The following ARHGAP33 variants were observed in gnomAD, a reference collection of about 807,000 sequenced individuals.
ARHGAP33 encodes Rho GTPase activating protein 33.
ARHGAP33 carries 57 observed loss-of-function variants against 126.2 expected under a neutral mutation model. The observed-to-expected ratio is 0.45, with a 90% CI of 0.36 to 0.56. ARHGAP33 has a LOEUF of 0.56. Among genes scored for constraint, ARHGAP33 ranks in the 20% least tolerant of loss-of-function variants. ARHGAP33 has a pLI of 0.00. For synonymous variants in ARHGAP33, 711 were observed against 755.0 expected (o/e 0.94, Z 0.95); for missense variants, 1,500 against 1,748.3 (o/e 0.86, Z 2.53).
At chr19:35,783,244 G>A (rs1971899546) in intron 15 of ARHGAP33, among the ~76,000 whole-genome samples, 1 of 152,190 alleles carries the variant, frequency 6.6e-6, no homozygotes, top group African/African-American at 2.4e-5. Flanking sequence ...GAATAAGCCT[G>A]GAGGATTTGA....
intron 5 of ARHGAP33, 77 bp downstream of exon 5, chr19:35,778,678 A>G: frequency 1.3e-6 from 2 of 1,520,384 alleles, no homozygotes; most frequent in South Asian, 2.5e-5. Context: ...AGGCAGCGGG[A>G]TAGAGAAATA....
rs919108627 is a variant in ARHGAP33 at position 35,783,369 on chromosome 19, G to A, written c.1421+500G>A. On this transcript the variant is annotated intron_variant, in intron 15 of 20. Transcript: ENST00000007510. ...GTCAGAGGACGGGCGTAAGATGTAC[G>A]GAGAAAAATAAACGAGAAAGGCCAG... Among the ~76,000 whole-genome samples, 4 of 152,208 alleles carry A rather than the reference G, an allele frequency of 2.6e-5. No homozygotes were observed. In the South Asian group the frequency reaches 6.2e-4, roughly 24 times the overall value.
chr19:35,788,246 C>A lies in ARHGAP33; in HGVS notation c.3681C>A (p.Gly1227=), dbSNP rs765279456. The A allele has an allele frequency of 1.1e-5, 17 of 1,609,232 alleles. No individual in the cohort carries two copies. The highest frequency in any genetic ancestry group is 1.7e-4 in the Middle Eastern group (1 of 6,034). ...CTCATAGGGTGCCGGGTCCCTGGGG[C>A]CCTCCTGAGCCTCTCCTGCTCTACA... The part of the protein sequence containing the change: ...RTPHRVPGPW[G]PPEPLLLYRA... The change falls in exon 21 of 21, where the codon GGC becomes GGA. Residue 1227 remains glycine, a synonymous_variant. Transcript: ENST00000007510.
At position 35,786,852 on chromosome 19, in the gene ARHGAP33, C is replaced by T; in HGVS notation, c.2382C>T (p.Asp794=). The T allele has an allele frequency of 6.3e-7, 1 of 1,593,724 alleles. No individual in the cohort carries two copies. Among genetic ancestry groups the T allele is most frequent in the East Asian group, 2.3e-5 (1 of 44,206 alleles). ...GCCCCGCCTCGCCTGCTGCCCTAGACATCTCAGAGCCCCTGGCTGTATCAG... is the reference window on the plus strand; with the variant it reads ...GCCCCGCCTCGCCTGCTGCCCTAGATATCTCAGAGCCCCTGGCTGTATCAG... The part of the protein sequence containing the change: ...PTSPASPAAL[D]ISEPLAVSVP... The change falls in exon 20 of 21, where the codon GAC becomes GAT. Residue 794 remains aspartate, a synonymous_variant. Transcript: ENST00000007510. The surrounding 1 kb of genome is among the most constrained non-coding windows in gnomAD (Gnocchi z 7.0).
rs1044228114 is a variant in ARHGAP33 at position 35,778,708 on chromosome 19, C to T, written c.408+107C>T. ...GAAATATTTAAATACTGGTATGGCC[C>T]AAGTCCCAACCAATCTGAATGAATG... On this transcript the variant is annotated intron_variant, in intron 5 of 20. Transcript: ENST00000007510. 6.5e-6 allele frequency: 9 copies of T among 1,390,348 alleles called. No homozygotes were observed. In the Admixed American group the frequency reaches 1.0e-4, roughly 16 times the overall value. The allele number at this position is 1,390,348 out of a possible 1,614,324, so 86.1% of individuals were successfully genotyped here. A position where few individuals can be genotyped will look rare whatever the true frequency, so the allele number is the denominator to read the frequency against.
Position 35,788,654 on chromosome 19 carries a change from C to A in ARHGAP33, c.*225C>A, listed in dbSNP as rs1972251457. Reference sequence around the variant, plus strand: ...ACCCTCCATCCTGGGGGCCCTCGCACAAATCTGGGGTGGGAGGGGCTAGGC... The same window carrying A: ...ACCCTCCATCCTGGGGGCCCTCGCAAAAATCTGGGGTGGGAGGGGCTAGGC... On this transcript the variant is annotated 3_prime_UTR_variant, in exon 21 of 21. Transcript: ENST00000007510. 2 of 510,384 alleles carry A rather than the reference C, an allele frequency of 3.9e-6. No individual in the cohort carries two copies. The highest frequency in any genetic ancestry group is 7.1e-5 in the East Asian group (2 of 28,116). 31.6% of individuals were successfully genotyped at this position (510,384 alleles called of 1,614,324 possible). A position where few individuals can be genotyped will look rare whatever the true frequency, so the allele number is the denominator to read the frequency against.
At position 35,782,492 on chromosome 19, in the gene ARHGAP33, C is replaced by T; in HGVS notation, c.1205C>T (p.Thr402Ile). The change falls in exon 13 of 21, where the codon ACC becomes ATC. Residue 402 changes from threonine to isoleucine, a missense_variant. By Grantham distance (89) the Thr-to-Ile change is moderately conservative. This residue lies in a region of ARHGAP33 where 281 missense variants were observed against 413.7 expected (regional missense o/e 0.68). Transcript: ENST00000007510. This position sits in a 1 kb window ranked among gnomAD's most constrained non-coding sequence, Gnocchi z 4.1. Reference sequence around the variant, plus strand: ...CGAGAGCTTCCGAACCCTCTGCTCACCTACCAGCTCTATGGGAAGTTCAGT... The same window carrying T: ...CGAGAGCTTCCGAACCCTCTGCTCATCTACCAGCTCTATGGGAAGTTCAGT... ...YFRELPNPLLTYQLYGKFSEA... is the reference protein window; with the variant it reads ...YFRELPNPLLIYQLYGKFSEA... 1 of 1,613,444 alleles carries T rather than the reference C, an allele frequency of 6.2e-7. No homozygotes were observed. Among genetic ancestry groups the T allele is most frequent in the Non-Finnish European group, 8.5e-7 (1 of 1,179,414 alleles).
rs539025196 is a variant in ARHGAP33, at chr19:35,782,089, G to A, written c.1086-284G>A. Among the ~76,000 whole-genome samples the A allele has an allele frequency of 2.0e-5, 3 of 152,166 alleles. No individual in the cohort carries two copies. The highest frequency in any genetic ancestry group is 7.2e-5 in the African/African-American group (3 of 41,426). Reference sequence around the variant, plus strand: ...CAGGAGAATGGCAGCTGCATGGTAGGAGCTGCTCATGCTCTGGAGTCAGAC... The same window carrying A: ...CAGGAGAATGGCAGCTGCATGGTAGAAGCTGCTCATGCTCTGGAGTCAGAC... On this transcript the variant is annotated intron_variant, in intron 12 of 20. Coordinates refer to ENST00000007510, the MANE Select transcript of ARHGAP33 (RefSeq NM_001366178.1). This position sits in a 1 kb window ranked among gnomAD's most constrained non-coding sequence, Gnocchi z 4.1.
Position 35,786,050 on chromosome 19 carries a change from G to T in ARHGAP33, c.1943-363G>T. The T allele has an allele frequency of 8.6e-7, 1 of 1,164,724 alleles. No individual in the cohort carries two copies. Among genetic ancestry groups the T allele is most frequent in the Non-Finnish European group, 1.1e-6 (1 of 942,512 alleles). The allele number at this position is 1,164,724 out of a possible 1,614,324, so 72.1% of individuals were successfully genotyped here. A position where few individuals can be genotyped will look rare whatever the true frequency, so the allele number is the denominator to read the frequency against. On this transcript the variant is annotated intron_variant, in intron 19 of 20. Coordinates refer to ENST00000007510, the MANE Select transcript of ARHGAP33 (RefSeq NM_001366178.1). This position sits in a 1 kb window ranked among gnomAD's most constrained non-coding sequence, Gnocchi z 7.0. The stretch of plus-strand genomic sequence containing the variant: ...TGCTGCTCTCCGACCTCTGCGGGGG[G>T]CTGCTTATCCACCCCACCCAGCCGT...
At chr19:35,776,476 CAGACCCTGAGGGTG>C (rs770990852) in intron 1 of ARHGAP33, among the ~76,000 whole-genome samples, 2 of 152,160 alleles carry the variant, frequency 1.3e-5, no homozygotes, top group Non-Finnish European at 2.9e-5. Flanking sequence ...TGGAGGGGGA[CAGACCCTGAGGGTG>C]AGACCCTGAG....
At chr19:35,775,882 A>T (rs1252260651) in intron 1 of ARHGAP33, among the ~76,000 whole-genome samples, 1 of 151,364 alleles carries the variant, frequency 6.6e-6, no homozygotes. Flanking sequence ...GGATGGGGTG[A>T]CAGGGACCTA....
intron 17 of ARHGAP33, 25 bp downstream of exon 17, chr19:35,785,131 A>T: frequency 1.3e-6 from 2 of 1,589,522 alleles, no homozygotes; most frequent in Non-Finnish European, 1.7e-6. Flanking sequence ...GGGGGTGGCG[A>T]GGGGCAGGTG....
chr19:35,782,932 C>T lies in ARHGAP33; in HGVS notation c.1421+63C>T. ...TCCCCAAAACCACCCCAGGAACCCG[C>T]CCAGCTTTTCTTTTGTTTATTCATC... On this transcript the variant is annotated intron_variant, in intron 15 of 20. Coordinates refer to ENST00000007510, the MANE Select transcript of ARHGAP33 (RefSeq NM_001366178.1). The surrounding 1 kb of genome is among the most constrained non-coding windows in gnomAD (Gnocchi z 4.1). 1 of 1,404,084 alleles carries T rather than the reference C, an allele frequency of 7.1e-7. No homozygotes were observed. 87.0% of individuals were successfully genotyped at this position (1,404,084 alleles called of 1,614,324 possible).
At chr19:35,784,822 G>A in intron 16 of ARHGAP33, 131 bp from the exon 17 acceptor site, 4 of 1,211,206 alleles carry the variant, frequency 3.3e-6, no homozygotes, top group South Asian at 1.7e-5. Flanking sequence ...CGCCTGATCC[G>A]CCCCGGCCCC....
Position 35,780,261 on chromosome 19 carries a change from T to C in ARHGAP33, c.552T>C (p.Asn184=). The change falls in exon 7 of 21, where the codon AAT becomes AAC. Residue 184 remains asparagine, a synonymous_variant. Transcript: ENST00000007510. ...RLLLSEEASL[N]IPAVAAAHVI... ...TCCTCAGTGAGGAGGCGTCACTCAA[T>C]ATCCCTGCAGTGGCGGCCGCCCATG... is the stretch of plus-strand genomic sequence containing the variant. 1 of 1,614,000 alleles carries C rather than the reference T, an allele frequency of 6.2e-7. No individual in the cohort carries two copies.
chr19:35,780,091 T>G, intron 6 of ARHGAP33, 120 bp from the exon 7 acceptor site: 1 of 1,386,090 alleles, frequency 7.2e-7, no homozygotes, highest in Non-Finnish European at 1.0e-6. Context: ...CCAATAGCTC[T>G]GAGTGACAGG....
chr19:35,787,433 A>G lies in ARHGAP33; in HGVS notation c.2868A>G (p.Leu956=). 1 of 1,611,938 alleles carries G rather than the reference A, an allele frequency of 6.2e-7. No individual in the cohort carries two copies. Among genetic ancestry groups the G allele is most frequent in the Non-Finnish European group, 8.5e-7 (1 of 1,179,184 alleles). ...GGAGTGGGCCACCTCCCAACTCCCT[A>G]GCACACCCGGGTGCCTGGGTCCCGG... ...TSGSGPPPNS[L]AHPGAWVPGP... The change falls in exon 21 of 21, where the codon CTA becomes CTG. Residue 956 remains leucine, a synonymous_variant. Coordinates refer to ENST00000007510, the MANE Select transcript of ARHGAP33 (RefSeq NM_001366178.1).
At chr19:35,778,140 A>C in intron 3 of ARHGAP33, 140 bp from the exon 4 acceptor site, 1 of 915,670 alleles carries the variant, frequency 1.1e-6, no homozygotes, top group South Asian at 1.6e-5. Context: ...TATCTGCTCT[A>C]TGTCAGGGAC....
chr19:35,778,013 G>A lies in ARHGAP33; in HGVS notation c.189+105G>A. 2.9e-6 allele frequency: 4 copies of A among 1,362,662 alleles called. No individual in the cohort carries two copies. The South Asian group carries it at 4.9e-5, about 17-fold the overall frequency. 84.4% of individuals were successfully genotyped at this position (1,362,662 alleles called of 1,614,324 possible). The stretch of plus-strand genomic sequence containing the variant: ...CTGAAACTTATCCCTGTGACTGGCT[G>A]CTGCACGCGTCTGAGCAGTCAGTAG... On this transcript the variant is annotated intron_variant, in intron 3 of 20. Coordinates refer to ENST00000007510, the MANE Select transcript of ARHGAP33 (RefSeq NM_001366178.1).
Sources: allele counts gnomAD v4.1 joint callset (sites outside exome capture counted in the v4.1 genomes callset), GRCh38; gene constraint gnomAD v4.1.1; regional missense constraint gnomAD v4.1.1; non-coding constraint Gnocchi (gnomAD v3.1); transcripts MANE v1.5; gene names NCBI Gene and HGNC (gene_info 2026-07-23, HGNC 2026-07-21).